Variants in GRM5 observed in about 807,000 individuals in gnomAD.
GRM5 encodes the protein metabotropic glutamate receptor 5.
Under a neutral mutation model 83.1 loss-of-function variants are expected in GRM5, and 19 were observed. The observed-to-expected ratio is 0.23, with a 90% confidence interval of 0.16 to 0.34. GRM5 has a LOEUF of 0.34. Ranked by LOEUF, GRM5 falls within the 10% of genes least tolerant of loss-of-function variation. The pLI, the probability that GRM5 is intolerant of heterozygous loss-of-function variation, is 1.00. For synonymous variants in GRM5, 675 were observed against 633.6 expected, an observed-to-expected ratio of 1.07 and a Z score of -0.98; for missense variants, 1,160 against 1,588.3, an observed-to-expected ratio of 0.73 and a Z score of 4.58.
chr11:88,851,228 T>A (rs1195159893), intron 2 of GRM5, among the ~76,000 whole-genome samples: 1 of 152,196 alleles, frequency 6.6e-6, no homozygotes, highest in African/African-American at 2.4e-5. Flanking sequence ...AGGCTCTATA[T>A]TTTATACAGG....
At chr11:88,709,212 C>G (rs1337369205) in intron 3 of GRM5, among the ~76,000 whole-genome samples, 1 of 151,584 alleles carries the variant, frequency 6.6e-6, no homozygotes, top group Admixed American at 6.6e-5. Flanking sequence ...AGGAAATTGG[C>G]AAGAAAGGGA....
chr11:88,777,421 T>C (rs1383893642), intron 3 of GRM5, among the ~76,000 whole-genome samples: 1 of 152,182 alleles, frequency 6.6e-6, no homozygotes, highest in Non-Finnish European at 1.5e-5. Context: ...TTACCAACCT[T>C]CTGCAGCCTA....
intron 8 of GRM5, among the ~76,000 whole-genome samples, chr11:88,555,244 C>T (rs1942598978): frequency 6.6e-6 from 1 of 152,136 alleles, no homozygotes; most frequent in Non-Finnish European, 1.5e-5. Flanking sequence ...TGATTCCTAA[C>T]CCAGGAATGT....
At chr11:88,600,031 A>G (rs78935561) in intron 5 of GRM5, among the ~76,000 whole-genome samples, 4,992 of 152,188 alleles carry the variant, frequency 0.033, 277 homozygotes, top group African/African-American at 0.11. Flanking sequence ...AAAACAAGAA[A>G]ACAGTAATTC....
chr11:88,988,747 A>G (rs927100594), intron 2 of GRM5, among the ~76,000 whole-genome samples: 13 of 149,580 alleles, frequency 8.7e-5, no homozygotes, highest in Non-Finnish European at 1.6e-4. Flanking sequence ...AGAATTTCAT[A>G]TCCAGCCAAA....
intron 3 of GRM5, among the ~76,000 whole-genome samples, chr11:88,727,037 C>T (rs1183466375): frequency 6.6e-6 from 1 of 152,164 alleles, no homozygotes; most frequent in Non-Finnish European, 1.5e-5. Flanking sequence ...TCACACATAA[C>T]AATATTAGCC....
chr11:88,670,695 GT>G (rs1241253888), intron 3 of GRM5, among the ~76,000 whole-genome samples: 2 of 152,052 alleles, frequency 1.3e-5, no homozygotes, highest in Non-Finnish European at 2.9e-5. Context: ...ACCAGTGAAT[GT>G]TTTTAAAGTG....
intron 2 of GRM5, among the ~76,000 whole-genome samples, chr11:88,940,803 T>A (rs543848888): frequency 1.1e-3 from 174 of 152,084 alleles, no homozygotes; most frequent in African/African-American, 3.9e-3. Flanking sequence ...TGACTAAACG[T>A]ACATATTTTG....
At chr11:88,958,903 T>A (rs1254538389) in intron 2 of GRM5, among the ~76,000 whole-genome samples, 3 of 152,150 alleles carry the variant, frequency 2.0e-5, no homozygotes, top group African/African-American at 7.2e-5. Flanking sequence ...GCATTTTTAG[T>A]GTGAAGGGTG....
chr11:88,750,052 G>C (rs980126943), intron 3 of GRM5, among the ~76,000 whole-genome samples: 19 of 152,002 alleles, frequency 1.2e-4, no homozygotes, highest in African/African-American at 4.6e-4. Context: ...TAACCAGCTA[G>C]CATAATGATG....
At chr11:88,803,517 C>G (rs922548675) in intron 3 of GRM5, among the ~76,000 whole-genome samples, 1 of 152,076 alleles carries the variant, frequency 6.6e-6, no homozygotes, top group African/African-American at 2.4e-5. Context: ...CTTCCTTACA[C>G]CTTATACAAA....
At chr11:88,811,038 C>T (rs1943580463) in intron 3 of GRM5, among the ~76,000 whole-genome samples, 1 of 152,094 alleles carries the variant, frequency 6.6e-6, no homozygotes, top group East Asian at 1.9e-4. Context: ...CAAAGATTAT[C>T]TCAGCTCTAA....
In GRM5 at chr11:88,616,389, GTTTT is replaced by G. The variant is rs68153026; in HGVS notation, c.1148-11429_1148-11426del. 7.4e-3 allele frequency among the ~76,000 whole-genome samples: 710 copies of G among 95,770 alleles called. 3 individuals carry two copies. Among genetic ancestry groups the G allele is most frequent in the Middle Eastern group, 0.027 (5 of 182 alleles). The allele number at this position is 95,770 out of a possible 152,430, so 62.8% of individuals were successfully genotyped here. A position where few individuals can be genotyped will look rare whatever the true frequency, so the allele number is the denominator to read the frequency against. ...GTTGGATAAGATAGGGCTTTGGAGTGTTTTTTTTTTTTTTTTTTTTTTTTTACCA... is the reference window on the plus strand; with the variant it reads ...GTTGGATAAGATAGGGCTTTGGAGTGTTTTTTTTTTTTTTTTTTTTTACCA... On this transcript the variant is annotated intron_variant, in intron 4 of 9. Coordinates refer to ENST00000305447, the MANE Select transcript of GRM5 (RefSeq NM_001143831.3).
At chr11:88,991,032 G>A (rs1359658048) in intron 2 of GRM5, among the ~76,000 whole-genome samples, 1 of 152,140 alleles carries the variant, frequency 6.6e-6, no homozygotes, top group African/African-American at 2.4e-5. Flanking sequence ...GCAGGAGAAG[G>A]AAATAAAGGG....
intron 8 of GRM5, among the ~76,000 whole-genome samples, chr11:88,536,867 T>C (rs1205573090): frequency 2.0e-5 from 3 of 152,214 alleles, no homozygotes; most frequent in Admixed American, 1.3e-4. Flanking sequence ...TATGGTGTAA[T>C]ATACTTTTGA....
At chr11:88,898,469 A>G (rs1945268153) in intron 2 of GRM5, among the ~76,000 whole-genome samples, 1 of 151,994 alleles carries the variant, frequency 6.6e-6, no homozygotes, top group African/African-American at 2.4e-5. Context: ...GTTTCCTTAT[A>G]TGAAAAATGC....
At chr11:88,928,902 G>GTGTATATATA (rs1555043261) in intron 2 of GRM5, among the ~76,000 whole-genome samples, 2 of 60,260 alleles carry the variant, frequency 3.3e-5, no homozygotes, top group African/African-American at 3.7e-5. Flanking sequence ...ATGTGTATGT[G>GTGTATATATA]TATATACACA....
At chr11:88,560,145 A>G (rs11020410) in intron 8 of GRM5, among the ~76,000 whole-genome samples, 6,401 of 152,226 alleles carry the variant, frequency 0.042, 418 homozygotes, top group African/African-American at 0.14. Context: ...AAGGAGTCAG[A>G]TTAGCAAGGG....
chr11:88,572,919 A>C (rs181502023), intron 7 of GRM5, among the ~76,000 whole-genome samples: 1 of 152,296 alleles, frequency 6.6e-6, no homozygotes, highest in Admixed American at 6.5e-5. Flanking sequence ...AAATTAAATA[A>C]TCTTGATCAT....
Sources: gnomAD v4.1 joint callset for allele counts (sites outside exome capture counted in the v4.1 genomes callset) on GRCh38, gnomAD v4.1.1 for gene constraint, MANE v1.5 for transcripts, NCBI Gene and HGNC (gene_info 2026-07-23, HGNC 2026-07-21) for gene names.